PCCA: variants seen among roughly 807,000 people sequenced by gnomAD.
The protein encoded by PCCA is propionyl-CoA carboxylase subunit alpha, also known as propionyl-CoA carboxylase alpha chain, mitochondrial.
A neutral mutation model predicts 101.3 loss-of-function variants in PCCA; 74 were observed. The observed-to-expected ratio is 0.73, with a 90% confidence interval of 0.61 to 0.89. The LOEUF is 0.89. PCCA is among the 40% of genes least tolerant of loss of function. PCCA has a pLI of 0.00. For missense variants in PCCA, 891 were observed against 907.0 expected (o/e 0.98, Z 0.23); for synonymous variants, 294 against 313.6 (o/e 0.94, Z 0.66).
intron 10 of PCCA, among the ~76,000 whole-genome samples, chr13:100,267,767 A>G (rs1290159385): frequency 1.3e-5 from 2 of 152,194 alleles, no homozygotes; most frequent in African/African-American, 2.4e-5. Flanking sequence ...AAAAAGATAC[A>G]TGTTAAATTT....
chr13:100,102,464 C>CA (rs1304335668), intron 1 of PCCA, among the ~76,000 whole-genome samples: 58 of 152,220 alleles, frequency 3.8e-4, no homozygotes, highest in Admixed American at 1.3e-3. Context: ...ATGCTGAAGA[C>CA]ATCAGCAAAT....
chr13:100,329,078 A>G (rs1374859088), intron 16 of PCCA, among the ~76,000 whole-genome samples: 1 of 151,406 alleles, frequency 6.6e-6, no homozygotes, highest in East Asian at 1.9e-4. Context: ...TGGTGTAAAC[A>G]TAATTGCGGT....
At chr13:100,154,643 C>A (rs2053684472) in intron 4 of PCCA, 3 of 342,472 alleles carry the variant, frequency 8.8e-6, no homozygotes, top group African/African-American at 4.3e-5. Context: ...GCTACCCTGG[C>A]TACATGTAAC....
At chr13:100,147,458 T>C (rs2052721730) in intron 4 of PCCA, among the ~76,000 whole-genome samples, 1 of 152,208 alleles carries the variant, frequency 6.6e-6, no homozygotes, top group African/African-American at 2.4e-5. Context: ...TGGCTCTCCA[T>C]ATTTTGTGGA....
intron 6 of PCCA, among the ~76,000 whole-genome samples, chr13:100,182,400 T>C (rs1369397886): frequency 1.3e-5 from 2 of 152,152 alleles, no homozygotes; most frequent in Admixed American, 6.6e-5. Context: ...GTTACTAATA[T>C]TCAGTTTTAA....
At chr13:100,305,290 C>T (rs1349067327) in intron 14 of PCCA, among the ~76,000 whole-genome samples, 1 of 152,018 alleles carries the variant, frequency 6.6e-6, no homozygotes, top group Non-Finnish European at 1.5e-5. Context: ...TAGTAAATAA[C>T]AAAGACAGTT....
intron 4 of PCCA, among the ~76,000 whole-genome samples, chr13:100,113,522 T>C (rs2048515623): frequency 6.6e-6 from 1 of 152,130 alleles, no homozygotes; most frequent in Non-Finnish European, 1.5e-5. Flanking sequence ...AACCTTAGCA[T>C]ACCATAACTT....
At chr13:100,463,055 T>G (rs928913220) in intron 21 of PCCA, among the ~76,000 whole-genome samples, 53 of 152,330 alleles carry the variant, frequency 3.5e-4, no homozygotes, top group Admixed American at 2.2e-3. Context: ...TTGTAGAAAC[T>G]GCACTCTGTA....
chr13:100,422,069 C>CT (rs59743956), intron 19 of PCCA, among the ~76,000 whole-genome samples: 1 of 47,354 alleles, frequency 2.1e-5, no homozygotes, highest in African/African-American at 8.0e-5. Context: ...CTTCTCTTTT[C>CT]TTTTCTTTCT....
intron 19 of PCCA, among the ~76,000 whole-genome samples, chr13:100,422,116 TTCTTTTCTTTCTTTCTTTC>T (rs1325855257): frequency 6.2e-5 from 9 of 144,218 alleles, no homozygotes; most frequent in Admixed American, 2.1e-4. Flanking sequence ...CTTTCTTTCT[TTCTTTTCTTTCTTTCTTTC>T]TTTTTTTTTT....
intron 6 of PCCA, among the ~76,000 whole-genome samples, chr13:100,207,418 G>C (rs1208888683): frequency 6.6e-6 from 1 of 151,920 alleles, no homozygotes; most frequent in Non-Finnish European, 1.5e-5. Flanking sequence ...GTCTCGCTCT[G>C]TCGCCAGGCT....
In PCCA at chr13:100,092,248, A is replaced by G. The variant is rs567193683; in HGVS notation, c.105+3023A>G. ...TTTTCATATATCTTTTATCCTTATA[A>G]CAACTAGGTAAAAAATCCCAATTTT... is the stretch of plus-strand genomic sequence containing the variant. On this transcript the variant is annotated intron_variant, in intron 1 of 23. Transcript: ENST00000376285. 1.6e-4 allele frequency among the ~76,000 whole-genome samples: 24 copies of G among 152,330 alleles called. 1 individual carries two copies. The South Asian group carries it at 5.0e-3, about 32-fold the overall frequency.
At chr13:100,166,329 T>G (rs1346875343) in intron 6 of PCCA, among the ~76,000 whole-genome samples, 1 of 152,156 alleles carries the variant, frequency 6.6e-6, no homozygotes, top group African/African-American at 2.4e-5. Context: ...TTGTTTTGTT[T>G]TGGAGACAGA....
At chr13:100,412,474 C>A (rs1000787597) in intron 19 of PCCA, among the ~76,000 whole-genome samples, 2 of 152,042 alleles carry the variant, frequency 1.3e-5, no homozygotes, top group South Asian at 2.1e-4. Context: ...AAATACCTCC[C>A]CAGGATGTTT....
rs564202801 is a variant in PCCA at position 100,188,287 on chromosome 13, G to A, written c.469-21045G>A. On this transcript the variant is annotated intron_variant, in intron 6 of 23. Transcript: ENST00000376285. ...CAGCCTGGCGACAGAGCAAGACTCT[G>A]TCTCAAAAAAACAAAACAAAACAAA... 4.5e-4 allele frequency among the ~76,000 whole-genome samples: 38 copies of A among 84,484 alleles called. No individual in the cohort carries two copies. The South Asian group carries it at 0.01, about 23-fold the overall frequency. 55.4% of individuals were successfully genotyped at this position (84,484 alleles called of 152,430 possible). A position where few individuals can be genotyped will look rare whatever the true frequency, so the allele number is the denominator to read the frequency against.
chr13:100,460,411 A>G (rs2082092251), intron 21 of PCCA, among the ~76,000 whole-genome samples: 1 of 152,198 alleles, frequency 6.6e-6, no homozygotes, highest in Non-Finnish European at 1.5e-5. Flanking sequence ...TATAAAAACA[A>G]TGTTTGTATG....
At chr13:100,358,410 G>C (rs962906128) in intron 18 of PCCA, among the ~76,000 whole-genome samples, 41 of 152,142 alleles carry the variant, frequency 2.7e-4, no homozygotes, top group African/African-American at 8.4e-4. Flanking sequence ...TAAAATGTTT[G>C]TTTCATGGGC....
intron 19 of PCCA, among the ~76,000 whole-genome samples, chr13:100,420,392 G>C: frequency 6.6e-6 from 1 of 152,118 alleles, no homozygotes; most frequent in East Asian, 1.9e-4. Context: ...TGGCAACACA[G>C]TGAGAACCTG....
chr13:100,522,528 G>A (rs1015285065), intron 22 of PCCA, among the ~76,000 whole-genome samples: 8 of 152,120 alleles, frequency 5.3e-5, no homozygotes, highest in Admixed American at 3.3e-4. Context: ...GGGGCGGGGC[G>A]GCTCGATGCT....
Sources: gnomAD v4.1 joint callset for allele counts (sites outside exome capture counted in the v4.1 genomes callset) on GRCh38, gnomAD v4.1.1 for gene constraint, MANE v1.5 for transcripts, NCBI Gene and HGNC (gene_info 2026-07-23, HGNC 2026-07-21) for gene names.